Variants in SGCZ observed in about 807,000 individuals in gnomAD.
SGCZ encodes zeta-sarcoglycan.
In SGCZ, 40 loss-of-function variants were observed where a neutral mutation model predicts 41.3. That is an observed-to-expected ratio of 0.97 (90% confidence interval 0.75 to 1.26). The LOEUF is 1.26. Among genes scored for constraint, SGCZ ranks in the 50% most tolerant of loss-of-function variants. The pLI is 0.00. For missense variants in SGCZ, 552 were observed against 369.8 expected (o/e 1.49, Z -4.04); for synonymous variants, 206 against 137.5 (o/e 1.50, Z -3.49).
At chr8:15,146,498 G>A (rs144034904) in intron 1 of SGCZ, among the ~76,000 whole-genome samples, 35 of 152,292 alleles carry the variant, frequency 2.3e-4, no homozygotes, top group African/African-American at 8.2e-4. Context: ...CCTCAGCCCC[G>A]TGAGTAGATG....
At chr8:14,840,936 T>C (rs540067166) in intron 1 of SGCZ, among the ~76,000 whole-genome samples, 2 of 152,244 alleles carry the variant, frequency 1.3e-5, no homozygotes, top group South Asian at 4.1e-4. Flanking sequence ...CTATAGCTTA[T>C]TACATCAAAG....
At chr8:14,428,353 A>T (rs1458946333) in intron 2 of SGCZ, among the ~76,000 whole-genome samples, 2 of 152,018 alleles carry the variant, frequency 1.3e-5, no homozygotes, top group African/African-American at 4.8e-5. Context: ...TTGCTTTTCA[A>T]CTCAGACGGG....
intron 3 of SGCZ, among the ~76,000 whole-genome samples, chr8:14,302,793 T>C (rs944696250): frequency 6.6e-6 from 1 of 152,196 alleles, no homozygotes; most frequent in African/African-American, 2.4e-5. Flanking sequence ...ATATTTATTC[T>C]GGACAAAACT....
At chr8:14,836,727 C>G (rs1802714644) in intron 1 of SGCZ, among the ~76,000 whole-genome samples, 1 of 152,160 alleles carries the variant, frequency 6.6e-6, no homozygotes, top group Non-Finnish European at 1.5e-5. Flanking sequence ...TCTCAAACTC[C>G]TTGAGCTCAA....
intron 1 of SGCZ, among the ~76,000 whole-genome samples, chr8:14,760,263 C>T (rs1235904392): frequency 6.6e-6 from 1 of 152,140 alleles, no homozygotes; most frequent in African/African-American, 2.4e-5. Flanking sequence ...TTAACAACCA[C>T]TAAGTAAATG....
chr8:14,745,650 T>C (rs1799319944), intron 1 of SGCZ, among the ~76,000 whole-genome samples: 1 of 151,998 alleles, frequency 6.6e-6, no homozygotes, highest in African/African-American at 2.4e-5. Flanking sequence ...CACACACATA[T>C]ATATATACAC....
intron 5 of SGCZ, among the ~76,000 whole-genome samples, chr8:14,111,085 T>TA (rs5889518): frequency 4.0e-5 from 6 of 151,162 alleles, no homozygotes; most frequent in Admixed American, 2.6e-4. Context: ...CAACAAACTT[T>TA]AAAAAAAAAC....
At chr8:14,506,834 C>T (rs1195575597) in intron 2 of SGCZ, among the ~76,000 whole-genome samples, 2 of 152,274 alleles carry the variant, frequency 1.3e-5, no homozygotes, top group African/African-American at 4.8e-5. Context: ...AGCCCACATT[C>T]TCTTAGATTT....
chr8:14,138,836 C>T (rs934132169), intron 5 of SGCZ, among the ~76,000 whole-genome samples: 13 of 152,234 alleles, frequency 8.5e-5, no homozygotes, highest in South Asian at 2.1e-4. Flanking sequence ...CTGCACCAAG[C>T]GGACCTAATA....
intron 1 of SGCZ, among the ~76,000 whole-genome samples, chr8:15,234,229 G>T (rs571470359): frequency 6.6e-6 from 1 of 152,190 alleles, no homozygotes; most frequent in African/African-American, 2.4e-5. Flanking sequence ...AAAGCTAGCA[G>T]TTAAATCTCG....
intron 1 of SGCZ, among the ~76,000 whole-genome samples, chr8:14,810,478 T>C (rs558638606): frequency 6.6e-6 from 1 of 152,078 alleles, no homozygotes; most frequent in South Asian, 2.1e-4. Flanking sequence ...AATATAATAA[T>C]GTATCAGGAA....
intron 1 of SGCZ, among the ~76,000 whole-genome samples, chr8:14,802,078 T>C (rs1400168954): frequency 1.3e-5 from 2 of 152,178 alleles, no homozygotes; most frequent in Non-Finnish European, 2.9e-5. Flanking sequence ...AAAGAGCATG[T>C]TGGAAATGAC....
intron 1 of SGCZ, among the ~76,000 whole-genome samples, chr8:14,567,273 A>T (rs55799022): frequency 0.17 from 25,151 of 152,196 alleles, 2,520 homozygotes; most frequent in Non-Finnish European, 0.22. Context: ...CCAGTGCGGG[A>T]TCCACTGGGT....
intron 1 of SGCZ, among the ~76,000 whole-genome samples, chr8:14,990,276 C>G (rs1390611529): frequency 1.3e-5 from 2 of 152,010 alleles, no homozygotes; most frequent in African/African-American, 2.4e-5. Context: ...AAGAAAATAC[C>G]CTGCATATAC....
At chr8:14,162,694 A>T (rs1431411894) in intron 5 of SGCZ, 1 of 152,088 alleles carries the variant, frequency 6.6e-6, no homozygotes, top group African/African-American at 2.4e-5. Context: ...GGACCATCCT[A>T]AACACTCACC....
Position 15,201,806 on chromosome 8 carries a change from T to C in SGCZ, c.39+35779A>G, listed in dbSNP as rs921548101. Among the ~76,000 whole-genome samples the C allele has an allele frequency of 2.6e-5, 4 of 152,158 alleles. 1 individual carries two copies. The highest frequency in any genetic ancestry group is 4.8e-5 in the African/African-American group (2 of 41,436). Reference sequence around the variant, plus strand: ...AAGCAGGATACAGATATGTGGAGCATTTTTTTCACAGCACAGTCATTTATC... The same window carrying C: ...AAGCAGGATACAGATATGTGGAGCACTTTTTTCACAGCACAGTCATTTATC... On this transcript the variant is annotated intron_variant, in intron 1 of 7. Transcript: ENST00000382080.
At chr8:15,218,401 C>G (rs1439655583) in intron 1 of SGCZ, among the ~76,000 whole-genome samples, 2 of 152,126 alleles carry the variant, frequency 1.3e-5, no homozygotes, top group Admixed American at 6.5e-5. Context: ...AGAACACATC[C>G]CAATGCATAT....
chr8:14,118,383 G>C (rs574459839), intron 5 of SGCZ, among the ~76,000 whole-genome samples: 1 of 152,212 alleles, frequency 6.6e-6, no homozygotes, highest in East Asian at 1.9e-4. Context: ...AGAAGTGTCT[G>C]TTCATATCCT....
At chr8:15,234,190 A>G (rs1324346188) in intron 1 of SGCZ, among the ~76,000 whole-genome samples, 1 of 152,234 alleles carries the variant, frequency 6.6e-6, no homozygotes, top group African/African-American at 2.4e-5. Context: ...TGTTTAAAAG[A>G]GAGCAACGAT....
Sources: gnomAD v4.1 joint callset for allele counts (sites outside exome capture counted in the v4.1 genomes callset) on GRCh38, gnomAD v4.1.1 for gene constraint, MANE v1.5 for transcripts, NCBI Gene and HGNC (gene_info 2026-07-23, HGNC 2026-07-21) for gene names.